SBF2: variants seen among roughly 807,000 people sequenced by gnomAD.
SBF2 encodes the protein SET binding factor 2.
SBF2 carries 112 observed loss-of-function variants against 225.2 expected under a neutral mutation model. The observed-to-expected ratio is 0.50, with a 90% CI of 0.43 to 0.58. The LOEUF is 0.58. Ranked by LOEUF, SBF2 falls within the 20% of genes least tolerant of loss-of-function variation. The pLI is 0.00. For missense variants in SBF2, 1,996 were observed against 2,206.2 expected (o/e 0.90, Z 1.91); for synonymous variants, 763 against 773.3 (o/e 0.99, Z 0.22).
chr11:9,787,979 A>G, intron 35 of SBF2: 3 of 541,260 alleles, frequency 5.5e-6, no homozygotes, highest in Non-Finnish European at 6.6e-6. Context: ...TTTGTACAGG[A>G]TAGCTTACAT....
chr11:9,974,684 A>G (rs1250315379), intron 13 of SBF2, among the ~76,000 whole-genome samples: 1 of 151,054 alleles, frequency 6.6e-6, no homozygotes, highest in Non-Finnish European at 1.5e-5. Context: ...AAAGAAAGAA[A>G]CCAGCCGGGT....
intron 16 of SBF2, among the ~76,000 whole-genome samples, chr11:9,919,111 T>A (rs1565001811): frequency 6.6e-6 from 1 of 152,070 alleles, no homozygotes; most frequent in Non-Finnish European, 1.5e-5. Context: ...TGGAGGTAAA[T>A]TACCAGGATC....
chr11:10,080,872 A>C (rs1348006434), intron 2 of SBF2, among the ~76,000 whole-genome samples: 1 of 152,226 alleles, frequency 6.6e-6, no homozygotes, highest in Non-Finnish European at 1.5e-5. Flanking sequence ...GGAAGTCTTT[A>C]TGTAATAATA....
At chr11:9,784,511 T>A in intron 37 of SBF2, 73 bp from the exon 38 acceptor site, 1 of 1,179,038 alleles carries the variant, frequency 8.5e-7, no homozygotes, top group Non-Finnish European at 1.3e-6. Context: ...AGGGGATATC[T>A]GTTGTTTTTG....
At chr11:10,278,801 A>C (rs1022296195) in intron 1 of SBF2, among the ~76,000 whole-genome samples, 1 of 151,698 alleles carries the variant, frequency 6.6e-6, no homozygotes, top group Non-Finnish European at 1.5e-5. Flanking sequence ...AAAAAAAAAA[A>C]AAAGAAATAC....
intron 1 of SBF2, among the ~76,000 whole-genome samples, chr11:10,211,032 A>AAAAAAAAAAAAAAAAAAAAAAC (rs1957928335): frequency 1.3e-5 from 2 of 150,400 alleles, no homozygotes. Context: ...AAAAAAAAAA[A>AAAAAAAAAAAAAAAAAAAAAAC]AAAGAGCCTC....
chr11:10,135,647 T>G (rs1261685817), intron 2 of SBF2, among the ~76,000 whole-genome samples: 1 of 152,200 alleles, frequency 6.6e-6, no homozygotes, highest in Non-Finnish European at 1.5e-5. Context: ...GTCACCAGTC[T>G]CTTTGCTAAA....
At chr11:10,207,863 CTA>C (rs1306287572) in intron 1 of SBF2, among the ~76,000 whole-genome samples, 1 of 152,096 alleles carries the variant, frequency 6.6e-6, no homozygotes, top group Non-Finnish European at 1.5e-5. Flanking sequence ...AAGAAAACTA[CTA>C]TGTCTTATCA....
intron 2 of SBF2, among the ~76,000 whole-genome samples, chr11:10,157,749 AT>A (rs1256831484): frequency 6.6e-6 from 1 of 152,200 alleles, no homozygotes; most frequent in East Asian, 1.9e-4. Flanking sequence ...CTGAAATCAT[AT>A]CCCCCTGCCC....
intron 19 of SBF2, among the ~76,000 whole-genome samples, chr11:9,855,690 G>T (rs977413173): frequency 1.3e-5 from 2 of 152,146 alleles, no homozygotes; most frequent in Non-Finnish European, 2.9e-5. Context: ...AATAAATCAG[G>T]TTGTAAAAAA....
intron 17 of SBF2, among the ~76,000 whole-genome samples, chr11:9,878,549 G>A (rs957121392): frequency 6.6e-6 from 1 of 152,094 alleles, no homozygotes; most frequent in Non-Finnish European, 1.5e-5. Flanking sequence ...AAAAAAATCT[G>A]TGTACATATA....
chr11:9,783,312 G>C (rs941152964), intron 38 of SBF2, among the ~76,000 whole-genome samples: 1 of 152,186 alleles, frequency 6.6e-6, no homozygotes, highest in African/African-American at 2.4e-5. Flanking sequence ...TAATCGTTAT[G>C]AAACTCCTTG....
intron 14 of SBF2, among the ~76,000 whole-genome samples, chr11:9,965,637 T>A (rs1460670928): frequency 1.3e-5 from 2 of 152,192 alleles, no homozygotes; most frequent in Non-Finnish European, 2.9e-5. Context: ...GCTGCAAATG[T>A]AATACAAAGA....
intron 26 of SBF2, 43 bp downstream of exon 26, chr11:9,839,455 A>T (rs748714768): frequency 8.2e-6 from 13 of 1,578,962 alleles, no homozygotes; most frequent in Non-Finnish European, 8.7e-6. Flanking sequence ...AAATAAGAAG[A>T]AAGGAAGGAA....
intron 2 of SBF2, among the ~76,000 whole-genome samples, chr11:10,144,770 A>C (rs1954812515): frequency 6.6e-6 from 1 of 152,224 alleles, no homozygotes; most frequent in African/African-American, 2.4e-5. Flanking sequence ...CAAGGGAAGA[A>C]GTTTAGACCT....
chr11:9,881,738 C>T (rs1365390514), intron 17 of SBF2, among the ~76,000 whole-genome samples: 1 of 150,854 alleles, frequency 6.6e-6, no homozygotes, highest in Admixed American at 6.6e-5. Context: ...CACTCCCCAT[C>T]CCCCCCCAAT....
rs148700567 is a variant in SBF2 at position 10,184,977 on chromosome 11, T to C, written c.141+8925A>G. Reference sequence around the variant, plus strand: ...TCCTAGTATTTGTGTTTTTTTGTGATTGGCTTATTTCCCTTAACATAGTGT... The same window carrying C: ...TCCTAGTATTTGTGTTTTTTTGTGACTGGCTTATTTCCCTTAACATAGTGT... On this transcript the variant is annotated intron_variant, in intron 2 of 39. Coordinates refer to ENST00000256190, the MANE Select transcript of SBF2 (RefSeq NM_030962.4). Among the ~76,000 whole-genome samples the C allele has an allele frequency of 3.7e-4, 56 of 152,270 alleles. No individual in the cohort carries two copies. In the East Asian group the frequency reaches 9.3e-3, roughly 25 times the overall value.
chr11:9,980,082 G>T (rs1946879902), intron 13 of SBF2, among the ~76,000 whole-genome samples: 1 of 151,420 alleles, frequency 6.6e-6, no homozygotes, highest in African/African-American at 2.4e-5. Flanking sequence ...CCGGGTTCAA[G>T]CAGTTCTCCT....
At chr11:10,240,051 T>C (rs1020488218) in intron 1 of SBF2, among the ~76,000 whole-genome samples, 13 of 152,144 alleles carry the variant, frequency 8.5e-5, no homozygotes, top group Non-Finnish European at 1.8e-4. Context: ...CTGATTAGTA[T>C]TGGTAGTTAT....
Sources: allele counts gnomAD v4.1 joint callset (sites outside exome capture counted in the v4.1 genomes callset), GRCh38; gene constraint gnomAD v4.1.1; transcripts MANE v1.5; gene names NCBI Gene and HGNC (gene_info 2026-07-23, HGNC 2026-07-21).